GYS1: variants seen among roughly 807,000 people sequenced by gnomAD.
The protein encoded by GYS1 is glycogen synthase 1.
Under a neutral mutation model 89.1 loss-of-function variants are expected in GYS1, and 60 were observed. The ratio of observed to expected loss-of-function variants is 0.67; its 90% confidence interval spans 0.55 to 0.84. The LOEUF (loss-of-function observed/expected upper bound fraction) is 0.84. Ranked by LOEUF, GYS1 falls within the 40% of genes least tolerant of loss-of-function variation. The pLI is 0.00. For synonymous variants in GYS1, 366 were observed against 401.7 expected (o/e 0.91, Z 1.06); for missense variants, 888 against 1,003.1 (o/e 0.89, Z 1.55).
In GYS1 at chr19:48,974,707, G is replaced by A. The variant is rs753790981; in HGVS notation, c.1335C>T (p.Thr445=). ...CTGAGGAGTCATCCAGCATATTGTG[G>A]GTGCACACAGGGGGGAAAGACTGCC... ...TQRQSFPPVC[T]HNMLDDSSDP... The change falls in exon 11 of 16, where the codon ACC becomes ACT. Residue 445 remains threonine (T), a synonymous_variant. Coordinates refer to ENST00000323798, the MANE Select transcript of GYS1 (RefSeq NM_002103.5). 1.5e-5 allele frequency: 24 copies of A among 1,613,614 alleles called. No homozygotes were observed. Among genetic ancestry groups the A allele is most frequent in the Non-Finnish European group, 1.9e-5 (23 of 1,179,760 alleles).
rs1305847758 is a variant in GYS1 at position 48,974,246 on chromosome 19, G to A, written c.1516C>T (p.Pro506Ser). 1.2e-6 allele frequency: 2 copies of A among 1,611,986 alleles called. No homozygotes were observed. Among genetic ancestry groups the A allele is most frequent in the South Asian group, 1.1e-5 (1 of 90,496 alleles). ...FVRGCHLGVF[P>S]SYYEPWGYTP... ...TAGCCCCAAGGCTCATAGTAGGAGG[G>A]GAAGACTCCAAGGTGACAGCCACGG... Residue 506 changes from proline to serine, a missense_variant, in exon 12 of 16, where the codon CCC (proline) becomes TCC (serine). Transcript: ENST00000323798.
rs974263957 is a variant in GYS1, at chr19:48,968,613, G to A, written c.*675C>T. ...ACTGAGACTGTGTGTCCTCCAGAAG[G>A]AATGAGCAGCCAAGTGGTTCTACCA... On this transcript the variant is annotated 3_prime_UTR_variant, in exon 16 of 16. Coordinates refer to ENST00000323798, the MANE Select transcript of GYS1 (RefSeq NM_002103.5). 6.6e-6 allele frequency: 3 copies of A among 454,240 alleles called. No individual in the cohort carries two copies. The highest frequency in any genetic ancestry group is 4.0e-5 in the African/African-American group (2 of 50,020). 28.1% of individuals were successfully genotyped at this position (454,240 alleles called of 1,614,324 possible). A position where few individuals can be genotyped will look rare whatever the true frequency, so the allele number is the denominator to read the frequency against.
intron 14 of GYS1, chr19:48,970,229 A>AT (rs1568615921): frequency 2.4e-5 from 11 of 455,864 alleles, no homozygotes; most frequent in Non-Finnish European, 1.6e-5. Flanking sequence ...GGCTCAAGCG[A>AT]CCCTACCACC....
At chr19:48,978,926 G>A (rs2038704167) in intron 8 of GYS1, among the ~76,000 whole-genome samples, 1 of 152,160 alleles carries the variant, frequency 6.6e-6, no homozygotes, top group Non-Finnish European at 1.5e-5. Flanking sequence ...GGACCCAGGG[G>A]GCAGGCCCTG....
Position 48,991,287 on chromosome 19 carries a change from TG to T in GYS1, c.300+14del. ...CTGTCCACCCGCTTCTGCCCTGGGC[TG>T]GGCCACGTCCCACCTTGCAGCCCTT... On this transcript the variant is annotated intron_variant, in intron 2 of 15. Transcript: ENST00000323798. This position sits in a 1 kb window ranked among gnomAD's most constrained non-coding sequence, Gnocchi z 4.7. The T allele has an allele frequency of 1.2e-6, 2 of 1,612,944 alleles. No homozygotes were observed. The highest frequency in any genetic ancestry group is 1.7e-6 in the Non-Finnish European group (2 of 1,179,838).
chr19:48,974,806 G>A (rs368798353), intron 10 of GYS1, 73 bp from the exon 11 acceptor site: 33 of 1,037,632 alleles, frequency 3.2e-5, no homozygotes, highest in East Asian at 9.7e-5. Flanking sequence ...TGAGCCATGC[G>A]GACCCTGGGG....
intron 10 of GYS1, among the ~76,000 whole-genome samples, chr19:48,975,241 T>TC (rs1279648255): frequency 2.0e-5 from 3 of 151,522 alleles, no homozygotes; most frequent in Non-Finnish European, 2.9e-5. Flanking sequence ...TAATTTTTTT[T>TC]TTTTTTTTTT....
In GYS1 at chr19:48,985,534, G is replaced by A. The variant is rs780454237; in HGVS notation, c.750C>T (p.His250=). ...HRYCMERAAA[H]CAHVFTTVSQ... ...ACACAGTAGTGAAGACGTGAGCGCA[G>A]TGGGCTGCCGCCCTTTCCATGCAGT... The change falls in exon 5 of 16, where the codon CAC becomes CAT. Residue 250 remains histidine (H), a synonymous_variant. Transcript: ENST00000323798. The A allele has an allele frequency of 1.2e-6, 2 of 1,614,076 alleles. No homozygotes were observed. The highest frequency in any genetic ancestry group is 1.7e-5 in the Admixed American group (1 of 60,036).
chr19:48,992,961 T>C, intron 1 of GYS1, 34 bp downstream of exon 1: 1 of 1,262,742 alleles, frequency 7.9e-7, no homozygotes. Flanking sequence ...CTACTGTCCT[T>C]CTCGTCAAGG....
Position 48,985,839 on chromosome 19 carries a change from T to C in GYS1, c.678+11A>G. On this transcript the variant is annotated intron_variant, in intron 4 of 15. Transcript: ENST00000323798. ...ACTCGCAGTCCCCCATCTGCCACGG[T>C]CCCAGCTCACGTTCTCCAGGTTGTT... 2 of 1,612,698 alleles carry C rather than the reference T, an allele frequency of 1.2e-6. No individual in the cohort carries two copies. Among genetic ancestry groups the C allele is most frequent in the Non-Finnish European group, 1.7e-6 (2 of 1,179,896 alleles).
intron 5 of GYS1, 111 bp downstream of exon 5, chr19:48,985,350 G>T: frequency 8.9e-7 from 1 of 1,117,592 alleles, no homozygotes; most frequent in Non-Finnish European, 1.3e-6. Context: ...ATACGTTTTC[G>T]GTTTATGCTA....
intron 3 of GYS1, 131 bp from the exon 4 acceptor site, chr19:48,986,166 C>CTCTG: frequency 2.5e-6 from 2 of 802,962 alleles, no homozygotes; most frequent in South Asian, 1.5e-5. Context: ...CAGCGGCCCA[C>CTCTG]TGCAGCAATC....
chr19:48,971,096 A>G, intron 12 of GYS1, 73 bp from the exon 13 acceptor site: 1 of 1,007,326 alleles, frequency 9.9e-7, no homozygotes, highest in Non-Finnish European at 1.6e-6. Flanking sequence ...TAGACGCCTC[A>G]ACACCGCCCT....
chr19:48,974,500 G>A, intron 11 of GYS1, 120 bp downstream of exon 11: 3 of 1,043,086 alleles, frequency 2.9e-6, no homozygotes, highest in Non-Finnish European at 4.4e-6. Context: ...AGAAGCCAGG[G>A]TTCTTTCTAA....
intron 2 of GYS1, among the ~76,000 whole-genome samples, chr19:48,987,950 G>A (rs942772459): frequency 5.9e-5 from 9 of 152,210 alleles, no homozygotes; most frequent in African/African-American, 2.2e-4. Flanking sequence ...ACAGCGGCCC[G>A]CCACCACGCC....
Position 48,970,632 on chromosome 19 carries a change from A to G in GYS1, c.1723T>C (p.Cys575Arg). Reference sequence around the variant, plus strand: ...ATACGCTGCCGCCGGCTCTGCTGACAGAAACTGTAGAGGAAGGAGGTGAGC... The same window carrying G: ...ATACGCTGCCGCCGGCTCTGCTGACGGAAACTGTAGAGGAAGGAGGTGAGC... Reference protein sequence around the residue: ...SQLTSFLYSFCQQSRRQRIIQ... With the variant: ...SQLTSFLYSFRQQSRRQRIIQ... The change falls in exon 14 of 16, where the codon TGT becomes CGT. Residue 575 changes from cysteine (C) to arginine (R), a missense_variant. Coordinates refer to ENST00000323798, the MANE Select transcript of GYS1 (RefSeq NM_002103.5). 6.2e-7 allele frequency: 1 copy of G among 1,614,040 alleles called. No individual in the cohort carries two copies. The highest frequency in any genetic ancestry group is 8.5e-7 in the Non-Finnish European group (1 of 1,179,980).
intron 2 of GYS1, among the ~76,000 whole-genome samples, chr19:48,990,010 G>GT (rs904465880): frequency 2.0e-4 from 30 of 150,584 alleles, no homozygotes; most frequent in African/African-American, 7.4e-4. Flanking sequence ...GGGGGGGGGG[G>GT]GGGCTATTCT....
chr19:48,987,352 G>T lies in GYS1; in HGVS notation c.334C>A (p.Pro112Thr). The change falls in exon 3 of 16, where the codon CCT becomes ACT. Residue 112 changes from proline to threonine, a missense_variant. Physicochemically the swap from Pro to Thr is conservative, Grantham distance 38 (BLOSUM62 -1). Transcript: ENST00000323798. ...YFGRWLIEGG[P>T]LVVLLDVGAS... ...CCCACGTCCAGGAGCACCACCAGAG[G>T]GCCTCCCTCGATCAGCCAGCGCCCG... 1 of 1,609,966 alleles carries T rather than the reference G, an allele frequency of 6.2e-7. No homozygotes were observed. Among genetic ancestry groups the T allele is most frequent in the Non-Finnish European group, 8.5e-7 (1 of 1,177,768 alleles).
Position 48,985,446 on chromosome 19 carries a change from C to G in GYS1, c.823+15G>C, listed in dbSNP as rs1434165950. 1 of 1,612,598 alleles carries G rather than the reference C, an allele frequency of 6.2e-7. No individual in the cohort carries two copies. Among genetic ancestry groups the G allele is most frequent in the East Asian group, 2.2e-5 (1 of 44,892 alleles). ...CTACCTCATTCACGTCTGGGGACTT[C>G]AGCCCAGCCCCTACCTGGTTTCCTC... On this transcript the variant is annotated intron_variant, in intron 5 of 15. Coordinates refer to ENST00000323798, the MANE Select transcript of GYS1 (RefSeq NM_002103.5).
Sources: allele counts gnomAD v4.1 joint callset (sites outside exome capture counted in the v4.1 genomes callset), GRCh38; gene constraint gnomAD v4.1.1; non-coding constraint Gnocchi (gnomAD v3.1); transcripts MANE v1.5; gene names NCBI Gene and HGNC (gene_info 2026-07-23, HGNC 2026-07-21).